PTPRS: variants seen among roughly 807,000 people sequenced by gnomAD.
The protein encoded by PTPRS is protein tyrosine phosphatase receptor type S, also known as receptor-type tyrosine-protein phosphatase S.
A neutral mutation model predicts 215.3 loss-of-function variants in PTPRS; 63 were observed. The ratio of observed to expected loss-of-function variants is 0.29; its 90% CI spans 0.24 to 0.36. The LOEUF (loss-of-function observed/expected upper bound fraction) is 0.36, where lower values mean the gene tolerates loss of function less well. PTPRS is among the 10% of genes least tolerant of loss of function. The pLI is 1.00. For missense variants in PTPRS, 2,258 were observed against 2,825.8 expected, an observed-to-expected ratio of 0.80 and a Z score of 4.56; for synonymous variants, 1,404 against 1,191.4, an observed-to-expected ratio of 1.18 and a Z score of -3.68.
At chr19:5,245,350 G>A (rs894606324) in intron 10 of PTPRS, among the ~76,000 whole-genome samples, 6 of 150,594 alleles carry the variant, frequency 4.0e-5, no homozygotes, top group Admixed American at 1.3e-4. Context: ...CTGCAGTAGT[G>A]CGATCATAGC....
At chr19:5,228,255 G>A (rs868548427) in intron 16 of PTPRS, among the ~76,000 whole-genome samples, 1 of 144,116 alleles carries the variant, frequency 6.9e-6, no homozygotes, top group Non-Finnish European at 1.5e-5. Flanking sequence ...TGAGACAGGA[G>A]AATTGTTTGA....
intron 16 of PTPRS, among the ~76,000 whole-genome samples, chr19:5,228,972 A>T (rs2042762866): frequency 6.6e-5 from 10 of 152,236 alleles, no homozygotes; most frequent in Admixed American, 6.5e-4. Context: ...ACATACTCAC[A>T]GGAGAAATGA....
At chr19:5,251,155 C>T (rs1405965198) in intron 9 of PTPRS, 2 of 152,630 alleles carry the variant, frequency 1.3e-5, no homozygotes, top group Non-Finnish European at 2.9e-5. Context: ...CCATAGCCCA[C>T]TTCTTGTCCT....
chr19:5,279,349 TTTTTA>T (rs1378910083), intron 2 of PTPRS, among the ~76,000 whole-genome samples: 3 of 151,920 alleles, frequency 2.0e-5, no homozygotes, highest in South Asian at 2.1e-4. Flanking sequence ...TTTATTTTTA[TTTTTA>T]TTTTATTTTT....
At chr19:5,240,482 T>C (rs928617083) in intron 11 of PTPRS, 150 bp from the exon 12 acceptor site, 6 of 706,228 alleles carry the variant, frequency 8.5e-6, no homozygotes, top group African/African-American at 1.9e-5. Context: ...CCCCATCCCA[T>C]TGTCACCTGT....
intron 25 of PTPRS, 43 bp from the exon 26 acceptor site, chr19:5,216,810 TAG>T (rs1491548307): frequency 8.6e-6 from 12 of 1,389,746 alleles, no homozygotes; most frequent in Non-Finnish European, 1.2e-5. Flanking sequence ...ATGCAGGGGG[TAG>T]GGGGGGGTCC....
At chr19:5,218,834 A>T in intron 23 of PTPRS, 36 bp from the exon 24 acceptor site, 3 of 1,573,914 alleles carry the variant, frequency 1.9e-6, no homozygotes, top group Non-Finnish European at 2.6e-6. Context: ...AGAAGGGGGA[A>T]AAAAAGAAGA....
chr19:5,239,164 G>GGGA (rs369714869), intron 12 of PTPRS, 101 bp from the exon 13 acceptor site: 3 of 433,586 alleles, frequency 6.9e-6, no homozygotes, highest in Admixed American at 1.0e-4. Flanking sequence ...GGGGGGAGGG[G>GGGA]GAGAGAGAGA....
intron 2 of PTPRS, among the ~76,000 whole-genome samples, chr19:5,284,308 C>T (rs35269867): frequency 0.027 from 4,149 of 151,152 alleles, 116 homozygotes; most frequent in East Asian, 0.12. Context: ...TGCAGTGAGC[C>T]GAGACTGCGC....
chr19:5,244,220 C>G lies in PTPRS; in HGVS notation c.1251G>C (p.Val417=). The G allele has an allele frequency of 6.2e-7, 1 of 1,609,830 alleles. No individual in the cohort carries two copies. The highest frequency in any genetic ancestry group is 8.5e-7 in the Non-Finnish European group (1 of 1,177,682). The part of the protein sequence containing the change: ...SIGQGPPSES[V]VTRTGEQAPA... ...GGGCCTGCTCGCCTGTGCGGGTGAC[C>G]ACGGACTCGCTGGGGGGCCCCTGGC... Residue 417 remains valine, a synonymous_variant, in exon 11 of 38, where the codon GTG becomes GTC. Transcript: ENST00000262963. This position sits in a 1 kb window ranked among gnomAD's most constrained non-coding sequence, Gnocchi z 7.2.
rs1173735915 is a variant in PTPRS, at chr19:5,287,703, G to A, written c.-94-1469C>T. Among the ~76,000 whole-genome samples, 1 of 152,180 alleles carries A rather than the reference G, an allele frequency of 6.6e-6. No individual in the cohort carries two copies. The highest frequency in any genetic ancestry group is 2.4e-5 in the African/African-American group (1 of 41,446). On this transcript the variant is annotated intron_variant, in intron 1 of 37. Transcript: ENST00000262963. The surrounding 1 kb of genome is among the most constrained non-coding windows in gnomAD (Gnocchi z 4.8). Reference sequence around the variant, plus strand: ...GCCCAGCCCTGGGGCGGTCCCAGGGGAAGGATGGGCGGGTAGTGGCCGGGT... The same window carrying A: ...GCCCAGCCCTGGGGCGGTCCCAGGGAAAGGATGGGCGGGTAGTGGCCGGGT...
intron 9 of PTPRS, among the ~76,000 whole-genome samples, chr19:5,250,374 G>A (rs2044889941): frequency 6.6e-6 from 1 of 152,192 alleles, no homozygotes; most frequent in African/African-American, 2.4e-5. Context: ...CCGGTTTGGT[G>A]CTGGCACCCA....
chr19:5,245,845 C>A lies in PTPRS; in HGVS notation c.919G>T (p.Ala307Ser), dbSNP rs751418551. 6.2e-7 allele frequency: 1 copy of A among 1,613,740 alleles called. No individual in the cohort carries two copies. Among genetic ancestry groups the A allele is most frequent in the South Asian group, 1.1e-5 (1 of 90,972 alleles). The change falls in exon 10 of 38, where the codon GCC (alanine) becomes TCC (serine). Residue 307 changes from alanine to serine, a missense_variant. Physicochemically the swap from Ala to Ser is moderately conservative, Grantham distance 99. Transcript: ENST00000262963. ...GACATGGCCACGCAGGTGTAGTTGG[C>A]CGAGTCCTTGACATCTGTGAGTTCC... is the stretch of plus-strand genomic sequence containing the variant. ...VLELTDVKDS[A>S]NYTCVAMSSL...
At position 5,211,787 on chromosome 19, in the gene PTPRS, C is replaced by A. The variant is rs141287404; in HGVS notation, c.5056-19G>T. 89 of 1,607,094 alleles carry A rather than the reference C, an allele frequency of 5.5e-5. No individual in the cohort carries two copies. The African/African-American group carries it at 1.0e-3, about 18-fold the overall frequency. ...CCAGCCGCTGTGGGGAGGAGGAAGC[C>A]AGAGGCCACCATCAGGATGAGGAAG... is the stretch of plus-strand genomic sequence containing the variant. On this transcript the variant is annotated intron_variant, in intron 32 of 37. Coordinates refer to ENST00000262963, the MANE Select transcript of PTPRS (RefSeq NM_002850.4).
intron 1 of PTPRS, among the ~76,000 whole-genome samples, chr19:5,325,421 A>G (rs1275451572): frequency 6.6e-6 from 1 of 152,234 alleles, no homozygotes; most frequent in African/African-American, 2.4e-5. Flanking sequence ...TCCCGCCACA[A>G]TATCTCATGT....
At chr19:5,276,981 C>G (rs191091477) in intron 2 of PTPRS, among the ~76,000 whole-genome samples, 88 of 151,908 alleles carry the variant, frequency 5.8e-4, no homozygotes, top group African/African-American at 1.5e-3. Flanking sequence ...CAGAGGGACA[C>G]TAGATTTCCG....
intron 2 of PTPRS, among the ~76,000 whole-genome samples, chr19:5,282,535 G>A (rs2047946965): frequency 1.3e-5 from 2 of 152,168 alleles, no homozygotes; most frequent in African/African-American, 4.8e-5. Context: ...TGGCGCAGAG[G>A]CTCACACCTA....
intron 19 of PTPRS, 74 bp from the exon 20 acceptor site, chr19:5,221,327 T>G: frequency 6.5e-7 from 1 of 1,536,546 alleles, no homozygotes; most frequent in Non-Finnish European, 8.8e-7. Flanking sequence ...CCAGGATGAG[T>G]CCCCCACCCT....
At chr19:5,225,331 G>A (rs2042385507) in intron 17 of PTPRS, among the ~76,000 whole-genome samples, 1 of 152,154 alleles carries the variant, frequency 6.6e-6, no homozygotes, top group Non-Finnish European at 1.5e-5. Flanking sequence ...TATGGGATGA[G>A]GCAATCAGGG....
Sources: gnomAD v4.1 joint callset for allele counts (sites outside exome capture counted in the v4.1 genomes callset) on GRCh38, gnomAD v4.1.1 for gene constraint, Gnocchi (gnomAD v3.1) non-coding constraint, MANE v1.5 for transcripts, NCBI Gene and HGNC (gene_info 2026-07-23, HGNC 2026-07-21) for gene names.